PTPRD: variants seen among roughly 807,000 people sequenced by gnomAD.
The protein encoded by PTPRD is protein tyrosine phosphatase receptor type D.
Under a neutral mutation model 214.5 loss-of-function variants are expected in PTPRD, and 34 were observed. The ratio of observed to expected loss-of-function variants is 0.16; its 90% CI spans 0.12 to 0.21. The LOEUF (loss-of-function observed/expected upper bound fraction) is 0.21, where lower values mean the gene tolerates loss of function less well. PTPRD is among the 10% of genes least tolerant of loss of function. The pLI is 1.00. For missense variants in PTPRD, 2,545 were observed against 2,398.7 expected (o/e 1.06, Z -1.27); for synonymous variants, 1,128 against 845.7 (o/e 1.33, Z -5.79).
At chr9:8,769,898 T>C (rs1007046107) in intron 11 of PTPRD, among the ~76,000 whole-genome samples, 2 of 151,766 alleles carry the variant, frequency 1.3e-5, no homozygotes, top group African/African-American at 2.4e-5. Context: ...ACACAATGGG[T>C]TTAAAAAATG....
At chr9:10,287,247 A>G (rs1005018387) in intron 3 of PTPRD, among the ~76,000 whole-genome samples, 19 of 152,178 alleles carry the variant, frequency 1.2e-4, no homozygotes, top group African/African-American at 4.6e-4. Flanking sequence ...TAACTGTGAT[A>G]CTTTTAGATA....
intron 3 of PTPRD, among the ~76,000 whole-genome samples, chr9:10,132,505 T>A (rs907360366): frequency 6.6e-6 from 1 of 151,894 alleles, no homozygotes; most frequent in Admixed American, 6.6e-5. Context: ...ATTATTTTAA[T>A]AGATACAGAA....
chr9:9,210,229 G>C (rs2099947643), intron 9 of PTPRD, among the ~76,000 whole-genome samples: 4 of 152,060 alleles, frequency 2.6e-5, no homozygotes, highest in Admixed American at 2.6e-4. Flanking sequence ...AAGATCCATA[G>C]AGAATTATCT....
intron 44 of PTPRD, among the ~76,000 whole-genome samples, chr9:8,323,032 GC>G (rs1830006314): frequency 1.3e-5 from 2 of 152,066 alleles, no homozygotes; most frequent in African/African-American, 4.8e-5. Flanking sequence ...AGTAAGGAAG[GC>G]ACGTTGAACA....
intron 6 of PTPRD, among the ~76,000 whole-genome samples, chr9:9,754,270 G>A (rs2098548339): frequency 6.6e-6 from 1 of 151,984 alleles, no homozygotes; most frequent in African/African-American, 2.4e-5. Flanking sequence ...CTTCCAGAGG[G>A]TACAAATTCT....
intron 14 of PTPRD, among the ~76,000 whole-genome samples, chr9:8,529,982 A>C (rs1479202562): frequency 1.3e-5 from 2 of 152,104 alleles, no homozygotes; most frequent in Admixed American, 1.3e-4. Flanking sequence ...AATTTTCATA[A>C]GCCACCAATT....
At chr9:10,591,620 A>G (rs2075464380) in intron 2 of PTPRD, among the ~76,000 whole-genome samples, 1 of 152,044 alleles carries the variant, frequency 6.6e-6, no homozygotes, top group Non-Finnish European at 1.5e-5. Context: ...ACCTTGAGGG[A>G]AGGACTATTT....
chr9:9,789,789 TC>T (rs1317889753), intron 5 of PTPRD, among the ~76,000 whole-genome samples: 1 of 15,542 alleles, frequency 6.4e-5, no homozygotes, highest in Non-Finnish European at 1.2e-4. Context: ...AGAGCCAAAC[TC>T]TGTCTCAAAA....
intron 3 of PTPRD, among the ~76,000 whole-genome samples, chr9:10,320,889 A>G (rs1310646144): frequency 6.6e-6 from 1 of 151,860 alleles, no homozygotes; most frequent in African/African-American, 2.4e-5. Flanking sequence ...AACAATGCCC[A>G]GTAAATTTTT....
intron 12 of PTPRD, among the ~76,000 whole-genome samples, chr9:8,651,267 T>C (rs2096801198): frequency 6.6e-6 from 1 of 152,134 alleles, no homozygotes; most frequent in Non-Finnish European, 1.5e-5. Context: ...CATTCACAAA[T>C]TCTCCTGAGT....
chr9:10,449,163 C>A (rs1292376006), intron 2 of PTPRD, among the ~76,000 whole-genome samples: 3 of 151,860 alleles, frequency 2.0e-5, no homozygotes, highest in Non-Finnish European at 2.9e-5. Context: ...CCTCAGCCTG[C>A]CAAGTGCCTG....
At chr9:8,531,843 G>A (rs1455182435) in intron 14 of PTPRD, among the ~76,000 whole-genome samples, 1 of 152,058 alleles carries the variant, frequency 6.6e-6, no homozygotes, top group Non-Finnish European at 1.5e-5. Context: ...AAGAAATCTA[G>A]ATTTAATAAC....
chr9:9,834,464 G>T (rs1443054940), intron 5 of PTPRD, among the ~76,000 whole-genome samples: 2 of 151,928 alleles, frequency 1.3e-5, no homozygotes, highest in African/African-American at 2.4e-5. Flanking sequence ...GTGAAGTTTT[G>T]CCCCCAAATT....
chr9:10,482,180 G>A (rs1165582329), intron 2 of PTPRD, among the ~76,000 whole-genome samples: 3 of 151,968 alleles, frequency 2.0e-5, no homozygotes, highest in Admixed American at 6.6e-5. Flanking sequence ...GACCAGCCCG[G>A]CTAACACAGT....
intron 2 of PTPRD, among the ~76,000 whole-genome samples, chr9:10,554,818 G>A (rs968031457): frequency 4.6e-5 from 7 of 151,922 alleles, no homozygotes; most frequent in East Asian, 1.9e-4. Flanking sequence ...CCGCCACCAC[G>A]CCCGGCTAAT....
At chr9:8,375,441 G>C (rs2082938211) in intron 39 of PTPRD, among the ~76,000 whole-genome samples, 1 of 151,886 alleles carries the variant, frequency 6.6e-6, no homozygotes, top group Non-Finnish European at 1.5e-5. Flanking sequence ...TTAGTGATTT[G>C]TCATGAGACT....
At chr9:10,108,747 T>C (rs2098660806) in intron 3 of PTPRD, among the ~76,000 whole-genome samples, 1 of 151,940 alleles carries the variant, frequency 6.6e-6, no homozygotes, top group Non-Finnish European at 1.5e-5. Context: ...TGGAAAAAAA[T>C]GTGGTATTTG....
chr9:9,907,149 A>G (rs1025748922), intron 5 of PTPRD, among the ~76,000 whole-genome samples: 2 of 118,476 alleles, frequency 1.7e-5, no homozygotes, highest in African/African-American at 6.5e-5. Flanking sequence ...TTTTTTGCCT[A>G]TTCCCCAAAC....
At chr9:9,756,580 G>A (rs996334711) in intron 6 of PTPRD, among the ~76,000 whole-genome samples, 1 of 152,090 alleles carries the variant, frequency 6.6e-6, no homozygotes, top group Admixed American at 6.6e-5. Context: ...GGGGGTTGGA[G>A]GAATGGGGAA....
Sources: gnomAD v4.1 joint callset for allele counts (sites outside exome capture counted in the v4.1 genomes callset) on GRCh38, gnomAD v4.1.1 for gene constraint, MANE v1.5 for transcripts, NCBI Gene and HGNC (gene_info 2026-07-23, HGNC 2026-07-21) for gene names.